Variants in NOS2 observed in about 807,000 individuals in gnomAD.
NOS2 encodes nitric oxide synthase, inducible.
Under a neutral mutation model 136.0 loss-of-function variants are expected in NOS2, and 96 were observed. That is an observed-to-expected ratio of 0.71 (90% confidence interval 0.60 to 0.84). NOS2 has a LOEUF of 0.84. Among genes scored for constraint, NOS2 ranks in the 40% least tolerant of loss-of-function variants. The pLI is 0.00. For synonymous variants in NOS2, 539 were observed against 587.5 expected, an observed-to-expected ratio of 0.92 and a Z score of 1.20; for missense variants, 1,237 against 1,496.9, an observed-to-expected ratio of 0.83 and a Z score of 2.87.
chr17:27,799,382 T>C (rs183338930), intron 1 of NOS2, among the ~76,000 whole-genome samples: 4 of 152,382 alleles, frequency 2.6e-5, no homozygotes, highest in African/African-American at 9.6e-5. Flanking sequence ...GTTGTTGTTC[T>C]AACTCAGCAT....
intron 2 of NOS2, among the ~76,000 whole-genome samples, chr17:27,791,223 G>A (rs1214218323): frequency 1.3e-5 from 2 of 152,150 alleles, no homozygotes; most frequent in African/African-American, 4.8e-5. Flanking sequence ...ACCCTGTAAA[G>A]GGCCTTCCAT....
rs1442856862 is a variant in NOS2 at position 27,798,638 on chromosome 17, G to T, written c.110+62C>A. The T allele has an allele frequency of 4.1e-6, 4 of 967,404 alleles. No homozygotes were observed. In the Admixed American group the frequency reaches 6.8e-5, roughly 17 times the overall value. The allele number at this position is 967,404 out of a possible 1,614,324, so 59.9% of individuals were successfully genotyped here. A position where few individuals can be genotyped will look rare whatever the true frequency, so the allele number is the denominator to read the frequency against. ...GCAGAGAGAGGAATTCTGAGTCATC[G>T]GTGCCGACAGGGCATGGGTGCCCAA... On this transcript the variant is annotated intron_variant, in intron 2 of 26. Transcript: ENST00000313735.
chr17:27,781,750 T>A (rs1908854659), intron 7 of NOS2, among the ~76,000 whole-genome samples: 1 of 152,196 alleles, frequency 6.6e-6, no homozygotes, highest in Non-Finnish European at 1.5e-5. Context: ...AGTGAAGCAG[T>A]TACTTCTTAA....
At chr17:27,793,559 C>T in intron 2 of NOS2, 2 of 397,312 alleles carry the variant, frequency 5.0e-6, no homozygotes, top group Non-Finnish European at 8.9e-6. Flanking sequence ...CCGCTTCCCT[C>T]CCAGGGCGGA....
At chr17:27,760,460 C>G (rs1345260852) in intron 24 of NOS2, among the ~76,000 whole-genome samples, 163 bp downstream of exon 24, 1 of 152,202 alleles carries the variant, frequency 6.6e-6, no homozygotes, top group Non-Finnish European at 1.5e-5. Flanking sequence ...ATGCGGGAGA[C>G]GGAAAGGCAG....
intron 3 of NOS2, among the ~76,000 whole-genome samples, chr17:27,789,311 T>C (rs1038509084): frequency 2.0e-5 from 3 of 152,130 alleles, no homozygotes; most frequent in Non-Finnish European, 2.9e-5. Flanking sequence ...TCTCTCCCAC[T>C]CCTACCCATT....
At chr17:27,794,981 C>T (rs1162098024) in intron 2 of NOS2, among the ~76,000 whole-genome samples, 1 of 152,016 alleles carries the variant, frequency 6.6e-6, no homozygotes, top group East Asian at 1.9e-4. Flanking sequence ...CCCACCTCCT[C>T]CCCCCAACTC....
Position 27,769,030 on chromosome 17 carries a change from C to A in NOS2, c.1981G>T (p.Glu661Ter). The A allele has an allele frequency of 6.2e-7, 1 of 1,612,746 alleles. No homozygotes were observed. Among genetic ancestry groups the A allele is most frequent in the South Asian group, 1.1e-5 (1 of 90,760 alleles). The change falls in exon 17 of 27, where the codon GAG becomes TAG. Residue 661 changes from glutamate to a stop codon, truncating the protein, a stop_gained. Transcript: ENST00000313735. LOFTEE classifies it high-confidence loss of function. ...SQLTPMGEGD[E>*]LSGQEDAFRS... ...AAGGCGTCCTCCTGCCCACTGAGCT[C>A]ATCCCCTTCTCCCATCGGGGTGAGC...
At chr17:27,782,840 C>T in intron 6 of NOS2, 104 bp downstream of exon 6, 11 of 1,136,256 alleles carry the variant, frequency 9.7e-6, no homozygotes, top group Non-Finnish European at 1.4e-5. Context: ...GCCATGGCTT[C>T]AGTCCCAGGA....
rs141722139 is a variant in NOS2, at chr17:27,759,075, C to T, written c.3160G>A (p.Val1054Ile). Residue 1054 changes from valine to isoleucine, a missense_variant and splice_region_variant, in exon 26 of 27, where the codon GTC becomes ATC. Around this residue, in one of 3 missense-constraint regions of NOS2, gnomAD observed 782 missense variants for 909.9 expected, o/e 0.86. Transcript: ENST00000313735. ...AYSRLPGKPK[V>I]YVQDILRQQL... ...TGCCGCAGGATGTCCTGAACATAGA[C>T]CTGAAACCAGAGGAAACAGTGGGTT... 1.3e-6 allele frequency: 2 copies of T among 1,583,948 alleles called. No homozygotes were observed. The highest frequency in any genetic ancestry group is 3.5e-5 in the Admixed American group (2 of 56,732).
chr17:27,785,694 A>G (rs1165179228), intron 5 of NOS2, among the ~76,000 whole-genome samples: 1 of 152,146 alleles, frequency 6.6e-6, no homozygotes, highest in Non-Finnish European at 1.5e-5. Flanking sequence ...GCAGCGGCAC[A>G]CACCTGTAAT....
In NOS2 at chr17:27,783,325, A is replaced by G. The variant is rs116093399; in HGVS notation, c.468-219T>C. On this transcript the variant is annotated intron_variant, in intron 5 of 26. Transcript: ENST00000313735. ...TGTCCCCATCTTGAAATTCTTAATC[A>G]TTTTAAAATAAAGAGCCCACATTTT... Among the ~76,000 whole-genome samples, 276 of 152,262 alleles carry G rather than the reference A, an allele frequency of 1.8e-3. 2 individuals carry two copies. The highest frequency in any genetic ancestry group is 6.3e-3 in the African/African-American group (261 of 41,536).
At chr17:27,775,724 C>T (rs1046188435) in intron 11 of NOS2, among the ~76,000 whole-genome samples, 2 of 152,152 alleles carry the variant, frequency 1.3e-5, no homozygotes, top group African/African-American at 4.8e-5. Flanking sequence ...GTCAAGGCTG[C>T]AGTGAGCCAT....
At chr17:27,795,546 G>A (rs1035842310) in intron 2 of NOS2, among the ~76,000 whole-genome samples, 3 of 152,182 alleles carry the variant, frequency 2.0e-5, no homozygotes, top group Non-Finnish European at 2.9e-5. Context: ...GCATGTACTC[G>A]TCAATGGAAT....
intron 15 of NOS2, 99 bp from the exon 16 acceptor site, chr17:27,769,683 G>A: frequency 9.8e-7 from 1 of 1,021,024 alleles, no homozygotes; most frequent in East Asian, 2.4e-5. Context: ...GCAGGAGAAG[G>A]CTCACAGCCC....
intron 2 of NOS2, among the ~76,000 whole-genome samples, chr17:27,794,551 C>T (rs911460255): frequency 4.6e-5 from 7 of 152,172 alleles, no homozygotes; most frequent in African/African-American, 1.7e-4. Flanking sequence ...ATCCCGAACC[C>T]CAGTTAAAGC....
chr17:27,783,142 G>A, intron 5 of NOS2, 36 bp from the exon 6 acceptor site: 1 of 1,609,074 alleles, frequency 6.2e-7, no homozygotes, highest in Non-Finnish European at 8.5e-7. Flanking sequence ...GATCAACAAT[G>A]AGATGGCCTT....
chr17:27,783,585 C>T (rs1209080561), intron 5 of NOS2, among the ~76,000 whole-genome samples: 2 of 152,204 alleles, frequency 1.3e-5, no homozygotes, highest in Non-Finnish European at 2.9e-5. Flanking sequence ...GAGCCAGTCC[C>T]TCCGTGGCAG....
intron 2 of NOS2, among the ~76,000 whole-genome samples, chr17:27,795,472 T>C (rs1274324944): frequency 2.0e-5 from 3 of 152,220 alleles, no homozygotes; most frequent in Admixed American, 6.5e-5. Flanking sequence ...AACAATTCAC[T>C]GATGAGCAGA....
Sources: gnomAD v4.1 joint callset for allele counts (sites outside exome capture counted in the v4.1 genomes callset) on GRCh38, gnomAD v4.1.1 for gene constraint, gnomAD v4.1.1 regional missense constraint, MANE v1.5 for transcripts, NCBI Gene and HGNC (gene_info 2026-07-23, HGNC 2026-07-21) for gene names.